The following OFD1 variants were observed in gnomAD, a reference collection of about 807,000 sequenced individuals.
OFD1 encodes centriole and centriolar satellite protein OFD1.
OFD1 carries 12 observed loss-of-function variants against 81.4 expected under a neutral mutation model. The observed-to-expected ratio is 0.15, with a 90% confidence interval of 0.09 to 0.24. The LOEUF is 0.24. OFD1 is among the 10% of genes least tolerant of loss of function. OFD1 has a pLI of 1.00. For synonymous variants in OFD1, 256 were observed against 263.7 expected (o/e 0.97, Z 0.28); for missense variants, 685 against 733.9 (o/e 0.93, Z 0.77).
intron 19 of OFD1, 91 bp from the exon 20 acceptor site, chrX:13,767,036 G>C: frequency 1.1e-6 from 1 of 902,075 alleles, no homozygotes; most frequent in South Asian, 2.1e-5. Flanking sequence ...CAGAGTCTCC[G>C]TGGGTCTTGG....
chrX:13,745,714 C>G (rs2047268025), intron 6 of OFD1, among the ~76,000 whole-genome samples: 1 of 112,119 alleles, frequency 8.9e-6, no homozygotes, highest in South Asian at 3.7e-4. Context: ...CAGATTTGCA[C>G]TTTGCTATGT....
At chrX:13,761,026 G>T in intron 16 of OFD1, 59 bp from the exon 17 acceptor site, 1 of 1,193,890 alleles carries the variant, frequency 8.4e-7, no homozygotes. Context: ...TAGAAACCAC[G>T]TTGGTATCTT....
intron 8 of OFD1, among the ~76,000 whole-genome samples, chrX:13,749,077 A>AC (rs1384883954): frequency 9.9e-6 from 1 of 100,610 alleles, no homozygotes; most frequent in Non-Finnish European, 2.0e-5. Context: ...AGCCAAGATC[A>AC]CCCCACTGCA....
At chrX:13,720,201 C>T in the OFD1 span, 1 of 236,907 alleles carries the variant, frequency 4.2e-6, no homozygotes, top group Admixed American at 6.6e-5. Flanking sequence ...AATGTATTTT[C>T]TTAAGTAAAC....
chrX:13,760,774 T>C (rs1447344987), intron 16 of OFD1, 54 bp downstream of exon 16: 1 of 1,194,164 alleles, frequency 8.4e-7, no homozygotes, highest in East Asian at 3.0e-5. Flanking sequence ...GTAGCCACCC[T>C]GCCCACGACA....
Position 13,735,059 on chromosome X carries a change from G to A in OFD1, c.-13G>A. On this transcript the variant is annotated 5_prime_UTR_variant, in exon 1 of 23. Transcript: ENST00000340096. ...GGGCGAGCGAGGCGGGCTCCGGAGG[G>A]AGCTGACGCCTGATGATGGCGCAGG... 8.4e-7 allele frequency: 1 copy of A among 1,191,841 alleles called. No individual in the cohort carries two copies. The highest frequency in any genetic ancestry group is 1.1e-6 in the Non-Finnish European group (1 of 888,385).
At chrX:13,765,662 G>T (rs1038882448) in intron 19 of OFD1, among the ~76,000 whole-genome samples, 2 of 110,806 alleles carry the variant, frequency 1.8e-5, no homozygotes, top group African/African-American at 6.6e-5. Context: ...TATTAGCATT[G>T]CTTGGGTTGA....
intron 5 of OFD1, chrX:13,740,044 C>T (rs1481712421): frequency 3.2e-6 from 3 of 929,769 alleles, no homozygotes; most frequent in Non-Finnish European, 4.1e-6. Flanking sequence ...ATTCATTCGC[C>T]AATTCATTTA....
intron 3 of OFD1, among the ~76,000 whole-genome samples, chrX:13,738,334 A>G (rs943571322): frequency 1.8e-5 from 2 of 112,944 alleles, no homozygotes; most frequent in African/African-American, 6.4e-5. Context: ...TTGAAAACAA[A>G]TATCAGTGTT....
intron 6 of OFD1, among the ~76,000 whole-genome samples, chrX:13,745,044 A>T (rs775842718): frequency 8.9e-6 from 1 of 112,123 alleles, no homozygotes; most frequent in Non-Finnish European, 1.9e-5. Flanking sequence ...CTGCAGTACC[A>T]TCCTGTCTGT....
rs9699014 is a variant in OFD1, at chrX:13,750,169, A to G, written c.935+636A>G. Among the ~76,000 whole-genome samples, 1,658 of 111,646 alleles carry G rather than the reference A, an allele frequency of 0.015. 33 individuals are homozygous for G. The highest frequency in any genetic ancestry group is 0.051 in the African/African-American group (1,549 of 30,658). Reference sequence around the variant, plus strand: ...CCATTAATGTTTTTTTCTCACTTCTATAGGCTTGATTTGTTTGATTTCAAC... The same window carrying G: ...CCATTAATGTTTTTTTCTCACTTCTGTAGGCTTGATTTGTTTGATTTCAAC... On this transcript the variant is annotated intron_variant, in intron 9 of 22. Coordinates refer to ENST00000340096, the MANE Select transcript of OFD1 (RefSeq NM_003611.3).
intron 19 of OFD1, among the ~76,000 whole-genome samples, chrX:13,764,791 C>T (rs1376679299): frequency 8.9e-6 from 1 of 112,026 alleles, no homozygotes; most frequent in Non-Finnish European, 1.9e-5. Context: ...GGAAAGCATT[C>T]AGTGAGACAT....
chrX:13,738,978 A>C, intron 4 of OFD1, 24 bp from the exon 5 acceptor site: 1 of 1,195,742 alleles, frequency 8.4e-7, no homozygotes, highest in Non-Finnish European at 1.1e-6. Context: ...AGCTGAATAA[A>C]AGTGAAATAT....
intron 5 of OFD1, chrX:13,739,311 A>AG: frequency 3.1e-6 from 1 of 322,443 alleles, no homozygotes; most frequent in East Asian, 5.3e-5. Flanking sequence ...AAAAAAAAAA[A>AG]AAACTAATAA....
the OFD1 span, chrX:13,716,337 G>T: frequency 3.5e-5 from 20 of 566,988 alleles, no homozygotes; most frequent in Middle Eastern, 5.5e-4. Context: ...TTGTGTATGA[G>T]ACTTAGTTTT....
At chrX:13,725,872 A>C in the OFD1 span, among the ~76,000 whole-genome samples, 1 of 111,681 alleles carries the variant, frequency 9.0e-6, no homozygotes, top group Non-Finnish European at 1.9e-5. Flanking sequence ...AAAAGATTAG[A>C]CGAATGGCTA....
At chrX:13,734,031 A>C, upstream of OFD1, 1 of 514,820 alleles carries the variant, frequency 1.9e-6, no homozygotes, top group Non-Finnish European at 3.5e-6. Context: ...AAGCATCATG[A>C]GGACTGGCTC....
At position 13,754,316 on chromosome X, in the gene OFD1, G is replaced by C. The variant is rs187148829; in HGVS notation, c.1130-835G>C. On this transcript the variant is annotated intron_variant, in intron 11 of 22. Coordinates refer to ENST00000340096, the MANE Select transcript of OFD1 (RefSeq NM_003611.3). ...TATTTCTAGGAAATTGCTGTAACAA[G>C]AAGTTGAAGTTTTGGTGGAAATTTC... is the stretch of plus-strand genomic sequence containing the variant. 4.6e-4 allele frequency among the ~76,000 whole-genome samples: 51 copies of C among 110,649 alleles called. 1 individual carries two copies. Among genetic ancestry groups the C allele is most frequent in the Admixed American group, 3.0e-3 (31 of 10,437 alleles).
In OFD1 at chrX:13,758,390, A is replaced by G. The variant is rs1484126630; in HGVS notation, c.1596A>G (p.Val532=). Residue 532 remains valine, a synonymous_variant, in exon 15 of 23, where the codon GTA becomes GTG. Coordinates refer to ENST00000340096, the MANE Select transcript of OFD1 (RefSeq NM_003611.3). ...AGATTCTAGGTTACAAAGCTTCTGT[A>G]AAGAGTTTAACTACTCAGGTTGCCG... ...KAQILGYKAS[V]KSLTTQVADL... 3 of 1,207,230 alleles carry G rather than the reference A, an allele frequency of 2.5e-6. No individual in the cohort carries two copies. Among genetic ancestry groups the G allele is most frequent in the Non-Finnish European group, 3.4e-6 (3 of 893,064 alleles).
Sources: gnomAD v4.1 joint callset for allele counts (sites outside exome capture counted in the v4.1 genomes callset) on GRCh38, gnomAD v4.1.1 for gene constraint, MANE v1.5 for transcripts, NCBI Gene and HGNC (gene_info 2026-07-23, HGNC 2026-07-21) for gene names.